NLGN1: variants seen among roughly 807,000 people sequenced by gnomAD.
NLGN1 encodes neuroligin 1.
Under a neutral mutation model 65.5 loss-of-function variants are expected in NLGN1, and 12 were observed. That is an observed-to-expected ratio of 0.18 (90% CI 0.12 to 0.30). The LOEUF (loss-of-function observed/expected upper bound fraction) is 0.30, where lower values mean the gene tolerates loss of function less well. Among genes scored for constraint, NLGN1 ranks in the 10% least tolerant of loss-of-function variants. The probability of loss-of-function intolerance (pLI) is 1.00; values close to 1 mark genes in which losing one functional copy is unlikely to be tolerated. For missense variants in NLGN1, 750 were observed against 1,007.1 expected (o/e 0.74, Z 3.46); for synonymous variants, 350 against 359.5 (o/e 0.97, Z 0.30).
chr3:173,679,575 A>G (rs150175790), intron 3 of NLGN1, among the ~76,000 whole-genome samples: 1 of 152,158 alleles, frequency 6.6e-6, no homozygotes, highest in Non-Finnish European at 1.5e-5. Flanking sequence ...GAAGTAGACT[A>G]TACGCCAAGA....
chr3:173,948,813 T>G (rs1327289394), intron 4 of NLGN1, among the ~76,000 whole-genome samples: 2 of 152,200 alleles, frequency 1.3e-5, no homozygotes, highest in Non-Finnish European at 2.9e-5. Context: ...TTCGAATGAT[T>G]CCATGATTGG....
At chr3:173,412,753 A>C (rs917232187) in intron 1 of NLGN1, among the ~76,000 whole-genome samples, 1 of 152,204 alleles carries the variant, frequency 6.6e-6, no homozygotes, top group Non-Finnish European at 1.5e-5. Context: ...AGTACTGCTC[A>C]GCCTTCCTCC....
At chr3:173,965,174 A>G (rs566232538) in intron 4 of NLGN1, among the ~76,000 whole-genome samples, 135 of 152,258 alleles carry the variant, frequency 8.9e-4, no homozygotes, top group African/African-American at 3.1e-3. Flanking sequence ...TTAAAGATCT[A>G]AATAATCCTA....
chr3:173,696,960 T>G (rs1466329046), intron 3 of NLGN1, among the ~76,000 whole-genome samples: 2 of 152,152 alleles, frequency 1.3e-5, no homozygotes, highest in Non-Finnish European at 2.9e-5. Flanking sequence ...AAGAAAAAAT[T>G]TATGACTCTT....
At chr3:173,932,235 A>T (rs986345771) in intron 4 of NLGN1, among the ~76,000 whole-genome samples, 4 of 152,136 alleles carry the variant, frequency 2.6e-5, no homozygotes, top group African/African-American at 9.7e-5. Flanking sequence ...CACTGTGATC[A>T]AGTTAAAAAT....
intron 4 of NLGN1, among the ~76,000 whole-genome samples, chr3:173,875,754 A>G (rs1731996313): frequency 6.6e-6 from 1 of 152,162 alleles, no homozygotes; most frequent in African/African-American, 2.4e-5. Flanking sequence ...TAGAGACCCT[A>G]GATATAAGGA....
intron 3 of NLGN1, among the ~76,000 whole-genome samples, chr3:173,722,792 A>C (rs1771075615): frequency 6.6e-6 from 1 of 152,182 alleles, no homozygotes; most frequent in Admixed American, 6.5e-5. Context: ...GGTTGTTGTG[A>C]AGATCCATTT....
downstream of NLGN1, among the ~76,000 whole-genome samples, chr3:174,289,799 C>T (rs1752524825): frequency 2.0e-5 from 3 of 150,402 alleles, no homozygotes; most frequent in South Asian, 6.2e-4. Flanking sequence ...TCCCCAGAGA[C>T]ATTGACTCTC....
intron 4 of NLGN1, among the ~76,000 whole-genome samples, chr3:174,145,444 C>T (rs1011929791): frequency 2.0e-5 from 3 of 151,862 alleles, no homozygotes; most frequent in Non-Finnish European, 4.4e-5. Flanking sequence ...ATCCGGGAAG[C>T]AGGGGTTCCG....
chr3:173,655,260 T>G (rs930463346), intron 3 of NLGN1, among the ~76,000 whole-genome samples: 6 of 152,174 alleles, frequency 3.9e-5, no homozygotes, highest in African/African-American at 1.4e-4. Context: ...ACATAAACTC[T>G]TATTCACTTA....
At chr3:173,556,637 C>T (rs1033267980) in intron 2 of NLGN1, among the ~76,000 whole-genome samples, 5 of 151,668 alleles carry the variant, frequency 3.3e-5, no homozygotes, top group African/African-American at 1.2e-4. Context: ...ATAATGAGTC[C>T]CCTTCTTATA....
chr3:173,576,870 T>C (rs1745579167), intron 2 of NLGN1, among the ~76,000 whole-genome samples: 1 of 152,180 alleles, frequency 6.6e-6, no homozygotes, highest in Admixed American at 6.5e-5. Context: ...ATTTGTTAAT[T>C]TCAATTTTTA....
chr3:173,605,427 G>A (rs778634593), intron 3 of NLGN1, 107 bp from the exon 3 acceptor site: 11 of 498,168 alleles, frequency 2.2e-5, no homozygotes, highest in Admixed American at 3.2e-5. Flanking sequence ...GGGATCTTTC[G>A]CACTCAGTAA....
rs7653034 is a variant in NLGN1 at position 173,413,079 on chromosome 3, C to T, written c.-390+14592C>T. On this transcript the variant is annotated intron_variant, in intron 1 of 6. Transcript: ENST00000457714. ...TTTTTAAGAGTCTTTCCTTCTCTTT[C>T]TGCCTTGCCCACCCTAGCCAACATG... Among the ~76,000 whole-genome samples the T allele has an allele frequency of 3.6e-4, 55 of 152,020 alleles. 1 individual carries two copies. The highest frequency in any genetic ancestry group is 7.9e-4 in the Admixed American group (12 of 15,252).
chr3:174,002,379 C>T (rs1302376849), intron 4 of NLGN1, among the ~76,000 whole-genome samples: 3 of 152,126 alleles, frequency 2.0e-5, no homozygotes, highest in South Asian at 2.1e-4. Flanking sequence ...CCACCCTCCT[C>T]GGCCTCCCAA....
At chr3:173,734,003 G>T (rs564085064) in intron 3 of NLGN1, among the ~76,000 whole-genome samples, 1 of 151,776 alleles carries the variant, frequency 6.6e-6, no homozygotes, top group Non-Finnish European at 1.5e-5. Flanking sequence ...TAATATTACC[G>T]GTTATCTAGT....
At chr3:173,549,985 A>G (rs1158109716) in intron 2 of NLGN1, among the ~76,000 whole-genome samples, 4 of 152,062 alleles carry the variant, frequency 2.6e-5, no homozygotes, top group East Asian at 1.9e-4. Flanking sequence ...TTCAAAATGT[A>G]GAAGATGACG....
chr3:173,919,962 A>G (rs757033363), intron 4 of NLGN1, among the ~76,000 whole-genome samples: 4 of 152,052 alleles, frequency 2.6e-5, no homozygotes, highest in Non-Finnish European at 4.4e-5. Flanking sequence ...AATTTAATCA[A>G]AGGAGAATGC....
At chr3:173,760,798 T>C (rs1231266223) in intron 3 of NLGN1, among the ~76,000 whole-genome samples, 2 of 152,070 alleles carry the variant, frequency 1.3e-5, no homozygotes, top group Non-Finnish European at 2.9e-5. Flanking sequence ...TCACAGGTTT[T>C]GAGATGTAGA....
Sources: gnomAD v4.1 joint callset for allele counts (sites outside exome capture counted in the v4.1 genomes callset) on GRCh38, gnomAD v4.1.1 for gene constraint, MANE v1.5 for transcripts, NCBI Gene and HGNC (gene_info 2026-07-23, HGNC 2026-07-21) for gene names.